NIBAN3: variants seen among roughly 807,000 people sequenced by gnomAD.
NIBAN3 encodes the protein protein Niban 3.
A neutral mutation model predicts 76.4 loss-of-function variants in NIBAN3; 66 were observed. The ratio of observed to expected loss-of-function variants is 0.86; its 90% CI spans 0.71 to 1.06. The LOEUF is 1.06. Among genes scored for constraint, NIBAN3 ranks in the 50% least tolerant of loss-of-function variants. The pLI is 0.00. For missense variants in NIBAN3, 808 were observed against 810.7 expected (o/e 1.00, Z 0.04); for synonymous variants, 360 against 355.2 (o/e 1.01, Z -0.15).
chr19:17,541,858 A>AT, intron 9 of NIBAN3, among the ~76,000 whole-genome samples: 1 of 151,566 alleles, frequency 6.6e-6, no homozygotes. Flanking sequence ...TAATTTTTGT[A>AT]TTTTTAGTTG....
chr19:17,537,529 G>A lies in NIBAN3; in HGVS notation c.581G>A (p.Arg194Gln), dbSNP rs1412827752. 17 of 1,599,046 alleles carry A rather than the reference G, an allele frequency of 1.1e-5. No individual in the cohort carries two copies. The highest frequency in any genetic ancestry group is 5.5e-5 in the South Asian group (5 of 90,302). The part of the protein sequence containing the change: ...AWRLALQGGI[R>Q]LQGIVLQRSQ... ...AGGCTGGCCCTGCAGGGTGGCATCC[G>A]GCTTCAGGGCATAGGTGGGTCTCAG... The change falls in exon 5 of 15, where the codon CGG (arginine) becomes CAG (glutamine). Residue 194 changes from arginine to glutamine, a missense_variant. Transcript: ENST00000599164.
At chr19:17,529,840 G>C (rs1224756304) in intron 1 of NIBAN3, among the ~76,000 whole-genome samples, 1 of 152,100 alleles carries the variant, frequency 6.6e-6, no homozygotes, top group African/African-American at 2.4e-5. Context: ...TGGGAGGATT[G>C]CTTGAGGCCA....
Position 17,534,945 on chromosome 19 carries a change from A to G in NIBAN3, c.427+1244A>G, listed in dbSNP as rs557418181. Reference sequence around the variant, plus strand: ...TCACTAACTACCCCATTTCACAGATAAGGACATTGAGGCTGAGGATTGTCA... The same window carrying G: ...TCACTAACTACCCCATTTCACAGATGAGGACATTGAGGCTGAGGATTGTCA... On this transcript the variant is annotated intron_variant, in intron 4 of 14. Transcript: ENST00000599164. Among the ~76,000 whole-genome samples, 11 of 152,274 alleles carry G rather than the reference A, an allele frequency of 7.2e-5. No individual in the cohort carries two copies. The South Asian group carries it at 1.4e-3, about 20-fold the overall frequency.
chr19:17,545,428 A>T, intron 12 of NIBAN3: 1 of 180,716 alleles, frequency 5.5e-6, no homozygotes. Context: ...ATAAAGACAC[A>T]AGACAAAGAG....
intron 5 of NIBAN3, among the ~76,000 whole-genome samples, chr19:17,538,758 AAG>A (rs1568451513): frequency 5.6e-5 from 8 of 143,968 alleles, no homozygotes; most frequent in East Asian, 4.0e-4. Flanking sequence ...GAAAGAAAGA[AAG>A]AGAGGGAGGG....
rs758219177 is a variant in NIBAN3, at chr19:17,553,526, A to G, written c.*1628A>G. On this transcript the variant is annotated 3_prime_UTR_variant, in exon 15 of 15. Coordinates refer to ENST00000599164, the MANE Select transcript of NIBAN3 (RefSeq NM_001321827.2). ...CACTCCCTGGAGACCGTTTCCTCCC[A>G]TTCTGTCTGGAGTTTTCGGCCTACC... 33 of 1,614,030 alleles carry G rather than the reference A, an allele frequency of 2.0e-5. No individual in the cohort carries two copies. Among genetic ancestry groups the G allele is most frequent in the Non-Finnish European group, 2.7e-5 (32 of 1,180,038 alleles).
upstream of NIBAN3, among the ~76,000 whole-genome samples, chr19:17,523,787 T>C (rs2075579925): frequency 6.6e-6 from 1 of 152,220 alleles, no homozygotes; most frequent in African/African-American, 2.4e-5. Flanking sequence ...CTTCCTGCTG[T>C]TCCTGGAGCC....
At position 17,539,382 on chromosome 19, in the gene NIBAN3, C is replaced by G; in HGVS notation, c.747C>G (p.Pro249=). The change falls in exon 7 of 15, where the codon CCC becomes CCG. Residue 249 remains proline, a synonymous_variant. Transcript: ENST00000599164. ...LTAVLMREQL[P]ALRAQTLPGL... is the part of the protein sequence containing the mutation. ...CGGTGCTGATGCGGGAGCAACTTCC[C>G]GCGCTGCGAGCCCAGACCCTTCCTG... The G allele has an allele frequency of 6.5e-7, 1 of 1,541,526 alleles. No individual in the cohort carries two copies. The highest frequency in any genetic ancestry group is 8.7e-7 in the Non-Finnish European group (1 of 1,146,202).
In NIBAN3 at chr19:17,542,144, A is replaced by G; in HGVS notation, c.1179A>G (p.Ser393=). 6.2e-7 allele frequency: 1 copy of G among 1,614,040 alleles called. No individual in the cohort carries two copies. The highest frequency in any genetic ancestry group is 8.5e-7 in the Non-Finnish European group (1 of 1,180,008). ...SGTRLRREVY[S]FGEMPWDLAL... is the part of the protein sequence containing the mutation. ...TGCTTCCGGGAGCACAGGTTTACTC[A>G]TTTGGGGAGATGCCGTGGGACTTGG... Residue 393 remains serine (S), a synonymous_variant, in exon 10 of 15, where the codon TCA becomes TCG. Coordinates refer to ENST00000599164, the MANE Select transcript of NIBAN3 (RefSeq NM_001321827.2). The surrounding 1 kb of genome is among the most constrained non-coding windows in gnomAD (Gnocchi z 4.8).
chr19:17,542,364 T>G lies in NIBAN3; in HGVS notation c.1329+70T>G. On this transcript the variant is annotated intron_variant, in intron 10 of 14. Transcript: ENST00000599164. This position sits in a 1 kb window ranked among gnomAD's most constrained non-coding sequence, Gnocchi z 4.8. Reference sequence around the variant, plus strand: ...GCCTCCACTGACCTCCTGCTAAGTGTGCCCTGGAGAGACCACGATGATCGA... The same window carrying G: ...GCCTCCACTGACCTCCTGCTAAGTGGGCCCTGGAGAGACCACGATGATCGA... 6.8e-7 allele frequency: 1 copy of G among 1,476,548 alleles called. No individual in the cohort carries two copies. The highest frequency in any genetic ancestry group is 9.1e-7 in the Non-Finnish European group (1 of 1,098,740). 91.5% of individuals were successfully genotyped at this position (1,476,548 alleles called of 1,614,324 possible).
At chr19:17,546,587 C>T (rs2076059017) in intron 12 of NIBAN3, 99 bp from the exon 13 acceptor site, 2 of 1,316,780 alleles carry the variant, frequency 1.5e-6, no homozygotes, top group Non-Finnish European at 1.9e-6. Flanking sequence ...CCCCCAACCC[C>T]ACAGCTAATC....
At chr19:17,548,933 A>G (rs575739873) in intron 13 of NIBAN3, among the ~76,000 whole-genome samples, 39 of 150,120 alleles carry the variant, frequency 2.6e-4, no homozygotes, top group African/African-American at 9.4e-4. Context: ...CTCAAAAAAA[A>G]GTTGTTTTTT....
rs2076059849 is a variant in NIBAN3 at position 17,546,641 on chromosome 19, G to C, written c.1555-45G>C. On this transcript the variant is annotated intron_variant, in intron 12 of 14. Transcript: ENST00000599164. ...GAAGCCTGTGTTGTAGGCCTCTAGAGGGGCCCTCCTCTCCATCCGAGCCCC... is the reference window on the plus strand; with the variant it reads ...GAAGCCTGTGTTGTAGGCCTCTAGACGGGCCCTCCTCTCCATCCGAGCCCC... 5 of 1,480,108 alleles carry C rather than the reference G, an allele frequency of 3.4e-6. No homozygotes were observed. The South Asian group carries it at 5.5e-5, about 16-fold the overall frequency. The allele number at this position is 1,480,108 out of a possible 1,614,324, so 91.7% of individuals were successfully genotyped here.
chr19:17,529,255 A>AT (rs1039127628), intron 1 of NIBAN3, among the ~76,000 whole-genome samples: 1 of 151,658 alleles, frequency 6.6e-6, no homozygotes, highest in Non-Finnish European at 1.5e-5. Flanking sequence ...TAGCACTGGG[A>AT]TTTTTTTCCC....
intron 13 of NIBAN3, 86 bp downstream of exon 13, chr19:17,546,883 A>G: frequency 6.7e-7 from 1 of 1,481,624 alleles, no homozygotes; most frequent in African/African-American, 1.4e-5. Flanking sequence ...ATCGACTCTC[A>G]CTTCCTGTGA....
chr19:17,544,164 T>G (rs1401461545), intron 12 of NIBAN3, among the ~76,000 whole-genome samples: 5 of 152,008 alleles, frequency 3.3e-5, no homozygotes, highest in Non-Finnish European at 7.4e-5. Context: ...CGTGACAGCA[T>G]GTGCCTGTGG....
upstream of NIBAN3, among the ~76,000 whole-genome samples, chr19:17,524,987 T>C (rs2075590794): frequency 6.6e-6 from 1 of 152,208 alleles, no homozygotes; most frequent in Non-Finnish European, 1.5e-5. Flanking sequence ...ATGGGCTCCG[T>C]TATGATCAGG....
rs912642114 is a variant in NIBAN3, at chr19:17,552,406, C to T, written c.*508C>T. On this transcript the variant is annotated 3_prime_UTR_variant, in exon 15 of 15. Transcript: ENST00000599164. Reference sequence around the variant, plus strand: ...ATTTTTTTTTTTTAAATAATAGAGACAAGGTCTCGCTATGCTGCCCAGGCT... The same window carrying T: ...ATTTTTTTTTTTTAAATAATAGAGATAAGGTCTCGCTATGCTGCCCAGGCT... The T allele has an allele frequency of 6.6e-6, 1 of 151,040 alleles. No homozygotes were observed. The highest frequency in any genetic ancestry group is 1.5e-5 in the Non-Finnish European group (1 of 68,036). 9.4% of individuals were successfully genotyped at this position (151,040 alleles called of 1,614,324 possible).
rs771337988 is a variant in NIBAN3, at chr19:17,543,361, G to A, written c.1374G>A (p.Gln458=). ...AVATFLQLAD[Q]CLTTALNCDQ... Reference sequence around the variant, plus strand: ...CCACCTTCCTGCAGCTGGCTGACCAGTGTCTGACGACGGCCCTCAACTGTG... The same window carrying A: ...CCACCTTCCTGCAGCTGGCTGACCAATGTCTGACGACGGCCCTCAACTGTG... Residue 458 remains glutamine (Q), a synonymous_variant, in exon 11 of 15, where the codon CAG becomes CAA. Transcript: ENST00000599164. The A allele has an allele frequency of 1.3e-6, 2 of 1,594,074 alleles. No individual in the cohort carries two copies. The highest frequency in any genetic ancestry group is 3.4e-5 in the Admixed American group (2 of 58,822).
Sources: allele counts gnomAD v4.1 joint callset (sites outside exome capture counted in the v4.1 genomes callset), GRCh38; gene constraint gnomAD v4.1.1; non-coding constraint Gnocchi (gnomAD v3.1); transcripts MANE v1.5; gene names NCBI Gene and HGNC (gene_info 2026-07-23, HGNC 2026-07-21).